ANKAR: variants seen among roughly 807,000 people sequenced by gnomAD.
ANKAR encodes the protein ankyrin and armadillo repeat containing, also known as ankyrin and armadillo repeat-containing protein.
In ANKAR, 136 loss-of-function variants were observed where a neutral mutation model predicts 146.2. The ratio of observed to expected loss-of-function variants is 0.93; its 90% CI spans 0.81 to 1.07. The LOEUF is 1.07. Ranked by LOEUF, ANKAR falls within the 50% of genes least tolerant of loss-of-function variation. The probability of loss-of-function intolerance (pLI) is 0.00; values close to 1 mark genes in which losing one functional copy is unlikely to be tolerated. For missense variants in ANKAR, 1,567 were observed against 1,679.9 expected (o/e 0.93, Z 1.18); for synonymous variants, 500 against 575.8 (o/e 0.87, Z 1.88).
intron 5 of ANKAR, 56 bp downstream of exon 5, chr2:189,693,233 A>T (rs2036689807): frequency 2.7e-6 from 3 of 1,121,256 alleles, no homozygotes; most frequent in South Asian, 1.4e-5. Flanking sequence ...ACGTTAGTAG[A>T]GAACAAAGAA....
At chr2:189,706,521 A>G (rs1484224680) in intron 8 of ANKAR, among the ~76,000 whole-genome samples, 1 of 152,210 alleles carries the variant, frequency 6.6e-6, no homozygotes, top group Non-Finnish European at 1.5e-5. Context: ...TTCTGCCACA[A>G]TGAGGAAGCT....
chr2:189,713,994 A>G (rs4667303), intron 10 of ANKAR, among the ~76,000 whole-genome samples: 149,462 of 152,286 alleles, frequency 0.98, 73,402 homozygotes, highest in East Asian at 1. Context: ...CTTTCAACTA[A>G]CAAATATTAA....
downstream of ANKAR, chr2:189,747,244 CAGG>C (rs1167817047): frequency 7.0e-6 from 1 of 143,052 alleles, no homozygotes; most frequent in Non-Finnish European, 1.5e-5. Context: ...GAGGCTAAGG[CAGG>C]AGGATTGCTT....
chr2:189,759,607 CA>C (rs2046674344), intron 18 of ANKAR, among the ~76,000 whole-genome samples: 1 of 152,136 alleles, frequency 6.6e-6, no homozygotes, highest in African/African-American at 2.4e-5. Flanking sequence ...AACTTGCCTA[CA>C]GTTACAGAGC....
intron 9 of ANKAR, among the ~76,000 whole-genome samples, chr2:189,709,054 T>C (rs2039339658): frequency 2.0e-5 from 3 of 151,950 alleles, no homozygotes; most frequent in Admixed American, 6.6e-5. Context: ...TGAACCGAGA[T>C]CGTGCCACTA....
chr2:189,729,157 A>G (rs961959408), intron 15 of ANKAR, among the ~76,000 whole-genome samples: 8 of 152,202 alleles, frequency 5.3e-5, no homozygotes, highest in African/African-American at 1.9e-4. Flanking sequence ...TATGTTTTTG[A>G]AGATATAGAA....
rs1182071788 is a variant in ANKAR at position 189,730,582 on chromosome 2, A to G, written c.3281A>G (p.His1094Arg). The stretch of plus-strand genomic sequence containing the variant: ...GTACTTATCCAACTACTAAGAAATC[A>G]CCCTTCTCCTAACATTAAGGTATAA... ...FPVLIQLLRN[H>R]PSPNIKVEVA... The change falls in exon 16 of 23, where the codon CAC becomes CGC. Residue 1094 changes from histidine (H) to arginine (R), a missense_variant. By Grantham distance (29) the His-to-Arg change is conservative. Transcript: ENST00000684021. 6.3e-7 allele frequency: 1 copy of G among 1,586,450 alleles called. No homozygotes were observed. Among genetic ancestry groups the G allele is most frequent in the South Asian group, 1.1e-5 (1 of 88,992 alleles).
chr2:189,695,092 A>G lies in ANKAR; in HGVS notation c.1419A>G (p.Pro473=), dbSNP rs971340594. Residue 473 remains proline, a synonymous_variant, in exon 6 of 23, where the codon CCA becomes CCG. Transcript: ENST00000684021. Reference sequence around the variant, plus strand: ...ACAATCTGAGACTGAAAAGACTTCCACTGACAGATGCTCAATTACATGAAC... The same window carrying G: ...ACAATCTGAGACTGAAAAGACTTCCGCTGACAGATGCTCAATTACATGAAC... The part of the protein sequence containing the change: ...IVNNLRLKRL[P]LTDAQLHEQF... The G allele has an allele frequency of 2.5e-6, 4 of 1,612,830 alleles. No homozygotes were observed. The highest frequency in any genetic ancestry group is 3.4e-6 in the Non-Finnish European group (4 of 1,179,526).
chr2:189,683,236 C>G (rs777556228), intron 2 of ANKAR, among the ~76,000 whole-genome samples: 7 of 152,160 alleles, frequency 4.6e-5, no homozygotes, highest in Non-Finnish European at 2.9e-5. Flanking sequence ...TTTTTTCTTA[C>G]AGTAGCTCTA....
intron 5 of ANKAR, among the ~76,000 whole-genome samples, chr2:189,693,761 GTTT>G (rs2036785544): frequency 6.6e-6 from 1 of 151,518 alleles, no homozygotes; most frequent in Admixed American, 6.6e-5. Flanking sequence ...TTGTTTGTTT[GTTT>G]ATGAGACAGA....
At chr2:189,680,670 T>A (rs2034508605) in intron 2 of ANKAR, among the ~76,000 whole-genome samples, 1 of 152,130 alleles carries the variant, frequency 6.6e-6, no homozygotes, top group African/African-American at 2.4e-5. Flanking sequence ...TAAATTTCCA[T>A]CTTGATTTCA....
Position 189,689,946 on chromosome 2 carries a change from C to A in ANKAR, c.1021C>A (p.Leu341Met). ...AATGAAAGTTCCATATTTAAGTAGT[C>A]TGCTTCAGCCTTTTTCAGGTAAGAG... ...KKMKVPYLSS[L>M]LQPFSDDKVK... The change falls in exon 3 of 23, where the codon CTG (leucine) becomes ATG (methionine). Residue 341 changes from leucine (L) to methionine (M), a missense_variant. Coordinates refer to ENST00000684021, the MANE Select transcript of ANKAR (RefSeq NM_001378068.1). 6.6e-7 allele frequency: 1 copy of A among 1,507,754 alleles called. No homozygotes were observed. Among genetic ancestry groups the A allele is most frequent in the South Asian group, 1.4e-5 (1 of 69,964 alleles). The allele number at this position is 1,507,754 out of a possible 1,614,324, so 93.4% of individuals were successfully genotyped here.
chr2:189,737,036 T>G (rs2042920970), intron 17 of ANKAR, among the ~76,000 whole-genome samples: 1 of 149,248 alleles, frequency 6.7e-6, no homozygotes, highest in African/African-American at 2.5e-5. Flanking sequence ...ATCACGCCAC[T>G]GCACTCTAGC....
intron 2 of ANKAR, among the ~76,000 whole-genome samples, chr2:189,679,007 C>A (rs886801710): frequency 2.2e-4 from 34 of 152,120 alleles, no homozygotes; most frequent in African/African-American, 8.2e-4. Context: ...CTGTAGATTG[C>A]TTTTGGCAGT....
chr2:189,733,298 T>A, intron 17 of ANKAR, 69 bp downstream of exon 17: 1 of 1,314,838 alleles, frequency 7.6e-7, no homozygotes, highest in Non-Finnish European at 1.0e-6. Context: ...CTTCAAATTA[T>A]CAAGTCTTCT....
chr2:189,718,579 A>C (rs2105773463), intron 10 of ANKAR, among the ~76,000 whole-genome samples: 1 of 152,340 alleles, frequency 6.6e-6, no homozygotes, highest in South Asian at 2.1e-4. Flanking sequence ...GTGAACTTAA[A>C]GAAGTCATGA....
intron 5 of ANKAR, 68 bp downstream of exon 5, chr2:189,693,245 A>T: frequency 2.1e-6 from 2 of 973,374 alleles, no homozygotes; most frequent in Non-Finnish European, 3.2e-6. Context: ...AACAAAGAAA[A>T]TGACAAAATG....
chr2:189,704,548 T>TATAC (rs2038586589), intron 7 of ANKAR, among the ~76,000 whole-genome samples: 2 of 9,580 alleles, frequency 2.1e-4, no homozygotes, highest in African/African-American at 9.6e-4. Context: ...TGTTAACATA[T>TATAC]ATATATATAT....
At chr2:189,711,862 G>A (rs961250537) in intron 10 of ANKAR, among the ~76,000 whole-genome samples, 1 of 152,158 alleles carries the variant, frequency 6.6e-6, no homozygotes, top group East Asian at 1.9e-4. Flanking sequence ...GTGACAGACT[G>A]TACCTGAAAA....
Sources: allele counts gnomAD v4.1 joint callset (sites outside exome capture counted in the v4.1 genomes callset), GRCh38; gene constraint gnomAD v4.1.1; transcripts MANE v1.5; gene names NCBI Gene and HGNC (gene_info 2026-07-23, HGNC 2026-07-21).